Variants in CES5A observed in about 807,000 individuals in gnomAD.
The protein encoded by CES5A is carboxylesterase 5.
CES5A carries 67 observed loss-of-function variants against 62.9 expected under a neutral mutation model. The observed-to-expected ratio is 1.07, with a 90% CI of 0.88 to 1.31. The LOEUF is 1.31. Among genes scored for constraint, CES5A ranks in the 50% most tolerant of loss-of-function variants. The pLI is 0.00. For synonymous variants in CES5A, 296 were observed against 280.8 expected (o/e 1.05, Z -0.54); for missense variants, 748 against 708.5 (o/e 1.06, Z -0.63).
At chr16:55,886,132 T>C (rs1404542098) in intron 1 of CES5A, among the ~76,000 whole-genome samples, 1 of 152,176 alleles carries the variant, frequency 6.6e-6, no homozygotes, top group Admixed American at 6.5e-5. Flanking sequence ...AACTGTTACA[T>C]ACCAGCCACT....
intron 1 of CES5A, among the ~76,000 whole-genome samples, chr16:55,894,724 G>T (rs1399645495): frequency 6.6e-6 from 1 of 151,998 alleles, no homozygotes; most frequent in Non-Finnish European, 1.5e-5. Context: ...AAAAGTTGCC[G>T]AACCTCAACA....
intron 5 of CES5A, among the ~76,000 whole-genome samples, chr16:55,864,104 T>G (rs11647975): frequency 0.32 from 48,357 of 152,062 alleles, 8,376 homozygotes; most frequent in African/African-American, 0.44. Flanking sequence ...AGTAAAAATT[T>G]AGCCCGTATC....
At chr16:55,857,772 C>T (rs1394772127) in intron 8 of CES5A, among the ~76,000 whole-genome samples, 1 of 152,144 alleles carries the variant, frequency 6.6e-6, no homozygotes. Context: ...ATATGCCAGG[C>T]TTTTTGATGT....
At chr16:55,853,169 AT>A in intron 9 of CES5A, 141 bp from the exon 10 acceptor site, 1 of 805,738 alleles carries the variant, frequency 1.2e-6, no homozygotes, top group Non-Finnish European at 2.0e-6. Flanking sequence ...TGATGCAAGT[AT>A]CAAAACTAGC....
At chr16:55,862,106 C>A (rs1436470933) in intron 6 of CES5A, among the ~76,000 whole-genome samples, 1 of 152,170 alleles carries the variant, frequency 6.6e-6, no homozygotes, top group Non-Finnish European at 1.5e-5. Context: ...CCTTTCAGGG[C>A]ATTGCAGCCC....
At chr16:55,877,312 C>T (rs2033708966), upstream of CES5A, among the ~76,000 whole-genome samples, 1 of 152,028 alleles carries the variant, frequency 6.6e-6, no homozygotes, top group Non-Finnish European at 1.5e-5. Flanking sequence ...TAGGACTTTA[C>T]CAGATTGAGT....
intron 1 of CES5A, among the ~76,000 whole-genome samples, chr16:55,910,239 A>G (rs1166496137): frequency 6.6e-6 from 1 of 152,136 alleles, no homozygotes; most frequent in Admixed American, 6.5e-5. Flanking sequence ...GCCACCTCCA[A>G]CAGCCACTGG....
chr16:55,862,426 T>C (rs2033371049), intron 6 of CES5A, among the ~76,000 whole-genome samples: 1 of 152,214 alleles, frequency 6.6e-6, no homozygotes, highest in African/African-American at 2.4e-5. Context: ...AAAAAGATTA[T>C]ATTGCCCTCA....
At chr16:55,899,885 A>G (rs1431729755) in intron 1 of CES5A, among the ~76,000 whole-genome samples, 1 of 152,200 alleles carries the variant, frequency 6.6e-6, no homozygotes, top group Non-Finnish European at 1.5e-5. Context: ...TTTGACCTAT[A>G]AAAACACCCA....
intron 9 of CES5A, among the ~76,000 whole-genome samples, chr16:55,853,785 A>G (rs1192927471): frequency 2.0e-5 from 3 of 152,182 alleles, no homozygotes; most frequent in Non-Finnish European, 1.5e-5. Context: ...CTAGGCACTA[A>G]TGGCAGAGAG....
intron 9 of CES5A, among the ~76,000 whole-genome samples, chr16:55,855,029 C>A (rs2033211761): frequency 6.6e-6 from 1 of 152,214 alleles, no homozygotes; most frequent in African/African-American, 2.4e-5. Flanking sequence ...TCTCCACCCA[C>A]CCCTTCCATC....
upstream of CES5A, among the ~76,000 whole-genome samples, chr16:55,926,753 T>G (rs781287965): frequency 4.6e-5 from 7 of 152,352 alleles, no homozygotes; most frequent in Middle Eastern, 3.4e-3. Flanking sequence ...ATTATCATAA[T>G]AAGTAGATGT....
In CES5A at chr16:55,873,817, C is replaced by T. The variant is rs2033642875; in HGVS notation, c.278+16G>A. ...CCAGAGTCACAAACCACCCGTGGGC[C>T]CGAACCTGGTCTTACAAATTAGGGT... On this transcript the variant is annotated intron_variant, in intron 2 of 12. Transcript: ENST00000290567. 1 of 1,605,996 alleles carries T rather than the reference C, an allele frequency of 6.2e-7. No homozygotes were observed. The highest frequency in any genetic ancestry group is 2.2e-5 in the East Asian group (1 of 44,756).
At chr16:55,905,544 T>A (rs924603732) in intron 1 of CES5A, among the ~76,000 whole-genome samples, 1 of 152,038 alleles carries the variant, frequency 6.6e-6, no homozygotes, top group African/African-American at 2.4e-5. Flanking sequence ...CTTTTGTATT[T>A]TTAGGAGAAA....
upstream of CES5A, among the ~76,000 whole-genome samples, chr16:55,930,279 A>C (rs889555160): frequency 1.6e-4 from 25 of 151,788 alleles, no homozygotes; most frequent in Middle Eastern, 3.4e-3. Context: ...GCAATATTTT[A>C]AATAGTCCCC....
chr16:55,856,320 G>C (rs2033241827), intron 9 of CES5A, 57 bp downstream of exon 9: 1 of 1,523,870 alleles, frequency 6.6e-7, no homozygotes, highest in African/African-American at 1.4e-5. Context: ...GTGTGACCTA[G>C]GGCTATCTGT....
rs369957354 is a variant in CES5A at position 55,905,527 on chromosome 16, C to T, written c.-256+19796G>A. Among the ~76,000 whole-genome samples, 15 of 152,110 alleles carry T rather than the reference C, an allele frequency of 9.9e-5. No homozygotes were observed. In the East Asian group the frequency reaches 2.1e-3, roughly 22 times the overall value. Reference sequence around the variant, plus strand: ...GATTACAGGCATGTACCACCATGCCCGGCTAACTTTTGTATTTTTAGGAGA... The same window carrying T: ...GATTACAGGCATGTACCACCATGCCTGGCTAACTTTTGTATTTTTAGGAGA... On this transcript the variant is annotated intron_variant, in intron 1 of 12. Coordinates refer to the CES5A transcript ENST00000518005.
chr16:55,923,534 C>T (rs2034229731), intron 1 of CES5A, among the ~76,000 whole-genome samples: 1 of 151,690 alleles, frequency 6.6e-6, no homozygotes, highest in Non-Finnish European at 1.5e-5. Flanking sequence ...AAAATGTCTC[C>T]CAACAAAGTA....
intron 1 of CES5A, among the ~76,000 whole-genome samples, chr16:55,900,439 C>T (rs141137613): frequency 6.6e-5 from 10 of 152,144 alleles, no homozygotes; most frequent in African/African-American, 2.2e-4. Context: ...GCTTTCCTCT[C>T]GAGGAATAAT....
Sources: gnomAD v4.1 joint callset for allele counts (sites outside exome capture counted in the v4.1 genomes callset) on GRCh38, gnomAD v4.1.1 for gene constraint, MANE v1.5 for transcripts, NCBI Gene and HGNC (gene_info 2026-07-23, HGNC 2026-07-21) for gene names.